Variants in FHIT observed in about 807,000 individuals in gnomAD.
FHIT encodes fragile histidine triad diadenosine triphosphatase.
Under a neutral mutation model 17.9 loss-of-function variants are expected in FHIT, and 19 were observed. The ratio of observed to expected loss-of-function variants is 1.06; its 90% CI spans 0.74 to 1.56. FHIT has a LOEUF of 1.56. Among genes scored for constraint, FHIT ranks in the 40% most tolerant of loss-of-function variants. The pLI, the probability that FHIT is intolerant of heterozygous loss-of-function variation, is 0.00. For synonymous variants in FHIT, 81 were observed against 69.7 expected (o/e 1.16, Z -0.81); for missense variants, 248 against 189.2 (o/e 1.31, Z -1.82).
chr3:60,329,844 A>G (rs1332491518), intron 5 of FHIT, among the ~76,000 whole-genome samples: 1 of 152,376 alleles, frequency 6.6e-6, no homozygotes, highest in African/African-American at 2.4e-5. Flanking sequence ...TGTGGCTACT[A>G]GTGAACAATT....
intron 7 of FHIT, among the ~76,000 whole-genome samples, chr3:59,923,315 G>C (rs1003879485): frequency 6.6e-6 from 1 of 151,534 alleles, no homozygotes. Flanking sequence ...TGTTCGGTGA[G>C]GACAGGGCGC....
At position 61,187,623 on chromosome 3, in the gene FHIT, T is replaced by G. The variant is rs936539968; in HGVS notation, c.-164+12994A>C. On this transcript the variant is annotated intron_variant, in intron 2 of 9. Transcript: ENST00000492590. ...AACTCTCCATCCCAAATCAACAGAA[T>G]ATACATTCTTTTCAGAACCACACCA... Among the ~76,000 whole-genome samples the G allele has an allele frequency of 5.3e-5, 8 of 152,192 alleles. 1 individual carries two copies. Among genetic ancestry groups the G allele is most frequent in the Admixed American group, 2.6e-4 (4 of 15,282 alleles).
At chr3:60,454,736 T>A (rs1003341188) in intron 5 of FHIT, among the ~76,000 whole-genome samples, 1 of 152,108 alleles carries the variant, frequency 6.6e-6, no homozygotes, top group Non-Finnish European at 1.5e-5. Context: ...AGGGCCACCA[T>A]TTCTTGTGCA....
intron 4 of FHIT, among the ~76,000 whole-genome samples, chr3:60,584,858 C>T (rs2037856966): frequency 6.6e-6 from 1 of 151,930 alleles, no homozygotes; most frequent in African/African-American, 2.4e-5. Context: ...TGTTCCTGAA[C>T]TATATATTAT....
At chr3:60,338,730 C>A (rs1710366565) in intron 5 of FHIT, among the ~76,000 whole-genome samples, 1 of 152,088 alleles carries the variant, frequency 6.6e-6, no homozygotes. Flanking sequence ...TACAGAAGAC[C>A]ATGGCACATA....
rs1346680875 is a variant in FHIT, at chr3:59,837,479, A to AC, written c.348+84866dup. On this transcript the variant is annotated intron_variant, in intron 8 of 9. Transcript: ENST00000492590. ...GTTCAGTACAAACACAATTCCCCCC[A>AC]CCCCCCAAATATTTCCAATCCTCCA... is the stretch of plus-strand genomic sequence containing the variant. Among the ~76,000 whole-genome samples, 7 of 151,342 alleles carry AC rather than the reference A, an allele frequency of 4.6e-5. No homozygotes were observed. The South Asian group carries it at 1.3e-3, about 27-fold the overall frequency.
intron 3 of FHIT, among the ~76,000 whole-genome samples, chr3:60,842,654 T>A (rs868928773): frequency 0.014 from 1,914 of 133,190 alleles, 25 homozygotes; most frequent in African/African-American, 0.035. Flanking sequence ...TATTTTTTTT[T>A]TTTTTTTTTT....
intron 5 of FHIT, among the ~76,000 whole-genome samples, chr3:60,194,019 C>A (rs1371070202): frequency 6.6e-6 from 1 of 152,054 alleles, no homozygotes; most frequent in African/African-American, 2.4e-5. Context: ...TCTGATTATC[C>A]AAAGCAATCT....
intron 5 of FHIT, among the ~76,000 whole-genome samples, chr3:60,049,085 C>T (rs1413382135): frequency 6.6e-6 from 1 of 152,170 alleles, no homozygotes; most frequent in Non-Finnish European, 1.5e-5. Context: ...CTACCTCACC[C>T]TATAGACATA....
At chr3:60,319,722 A>C (rs1181404618) in intron 5 of FHIT, among the ~76,000 whole-genome samples, 2 of 152,190 alleles carry the variant, frequency 1.3e-5, no homozygotes, top group African/African-American at 4.8e-5. Flanking sequence ...ATCACCGTGG[A>C]AGCTTCCAGA....
intron 2 of FHIT, chr3:61,165,951 A>G (rs910127396): frequency 1.3e-5 from 2 of 152,252 alleles, no homozygotes; most frequent in Admixed American, 6.5e-5. Flanking sequence ...CAGCAGCACC[A>G]TCATCACCAT....
At chr3:60,628,121 A>C (rs2039342855) in intron 4 of FHIT, among the ~76,000 whole-genome samples, 1 of 152,180 alleles carries the variant, frequency 6.6e-6, no homozygotes, top group East Asian at 1.9e-4. Flanking sequence ...TTTTAGTTGC[A>C]TTCTATCAGC....
At chr3:59,797,996 CT>C (rs1699846436) in intron 8 of FHIT, among the ~76,000 whole-genome samples, 1 of 152,176 alleles carries the variant, frequency 6.6e-6, no homozygotes, top group Non-Finnish European at 1.5e-5. Context: ...GTATATTCAA[CT>C]TGCCTGGAGC....
intron 1 of FHIT, among the ~76,000 whole-genome samples, chr3:61,205,048 A>C (rs1188344322): frequency 7.2e-6 from 1 of 139,812 alleles, no homozygotes; most frequent in Non-Finnish European, 1.5e-5. Flanking sequence ...TTCAATTCCC[A>C]CCTATGAGTG....
chr3:59,879,983 G>GAGA (rs10662389), intron 8 of FHIT, among the ~76,000 whole-genome samples: 146,229 of 149,572 alleles, frequency 0.98, 71,524 homozygotes, highest in East Asian at 1. Context: ...CAAGAGAGAA[G>GAGA]AGGAGAAGTC....
chr3:61,091,554 A>AGG (rs2035482145), intron 2 of FHIT, among the ~76,000 whole-genome samples: 1 of 152,180 alleles, frequency 6.6e-6, no homozygotes, highest in Non-Finnish European at 1.5e-5. Flanking sequence ...GGGTCAAGCA[A>AGG]CGCAGATCAT....
At chr3:61,069,373 C>T (rs2034724418) in intron 2 of FHIT, among the ~76,000 whole-genome samples, 1 of 152,168 alleles carries the variant, frequency 6.6e-6, no homozygotes, top group Admixed American at 6.5e-5. Context: ...CTAGGTCACA[C>T]ACCCCAGTGA....
intron 7 of FHIT, among the ~76,000 whole-genome samples, chr3:59,965,320 A>G (rs1448586627): frequency 6.6e-6 from 1 of 152,140 alleles, no homozygotes; most frequent in Admixed American, 6.6e-5. Flanking sequence ...TCTGATTTAA[A>G]CACATGCATA....
intron 4 of FHIT, among the ~76,000 whole-genome samples, chr3:60,646,870 C>T (rs957492077): frequency 6.6e-6 from 1 of 152,192 alleles, no homozygotes; most frequent in East Asian, 1.9e-4. Flanking sequence ...AACAATTTAC[C>T]AGAAAAGAAG....
Sources: allele counts gnomAD v4.1 joint callset (sites outside exome capture counted in the v4.1 genomes callset), GRCh38; gene constraint gnomAD v4.1.1; transcripts MANE v1.5; gene names NCBI Gene and HGNC (gene_info 2026-07-23, HGNC 2026-07-21).